TRAPPC6A: variants seen among roughly 807,000 people sequenced by gnomAD.
The protein encoded by TRAPPC6A is TRAPP complex subunit 6A.
TRAPPC6A carries 25 observed loss-of-function variants against 20.8 expected under a neutral mutation model. The observed-to-expected ratio is 1.20, with a 90% CI of 0.88 to 1.68. The LOEUF (loss-of-function observed/expected upper bound fraction) is 1.68, where lower values mean the gene tolerates loss of function less well. Among genes scored for constraint, TRAPPC6A ranks in the 40% most tolerant of loss-of-function variants. TRAPPC6A has a pLI of 0.00. For synonymous variants in TRAPPC6A, 96 were observed against 93.3 expected, an observed-to-expected ratio of 1.03 and a Z score of -0.16; for missense variants, 215 against 211.6, an observed-to-expected ratio of 1.02 and a Z score of -0.10.
chr19:45,177,623 T>C (rs1329478484), intron 1 of TRAPPC6A, among the ~76,000 whole-genome samples: 1 of 152,216 alleles, frequency 6.6e-6, no homozygotes, highest in East Asian at 1.9e-4. Flanking sequence ...AGCCGGCATA[T>C]TTCATTTTAT....
intron 1 of TRAPPC6A, among the ~76,000 whole-genome samples, chr19:45,171,911 C>A (rs1190355594): frequency 6.6e-6 from 1 of 152,234 alleles, no homozygotes; most frequent in East Asian, 1.9e-4. Context: ...TGGTCTCAGA[C>A]AATGGGTGAC....
At chr19:45,164,783 G>A (rs1468478679) in intron 3 of TRAPPC6A, 70 bp downstream of exon 3, 1 of 1,443,588 alleles carries the variant, frequency 6.9e-7, no homozygotes, top group East Asian at 2.3e-5. Context: ...TGGCGCCGGG[G>A]GATTCCCCTC....
chr19:45,175,481 G>C (rs1242476190), intron 1 of TRAPPC6A, among the ~76,000 whole-genome samples: 1 of 151,726 alleles, frequency 6.6e-6, no homozygotes, highest in African/African-American at 2.4e-5. Flanking sequence ...AGCCTACCAA[G>C]AAAAAAGTGC....
intron 1 of TRAPPC6A, among the ~76,000 whole-genome samples, chr19:45,169,298 T>G (rs1366858565): frequency 6.6e-6 from 1 of 151,770 alleles, no homozygotes; most frequent in Non-Finnish European, 1.5e-5. Context: ...AAAAAGAGGG[T>G]CATTTTGTTT....
In TRAPPC6A at chr19:45,163,297, G is replaced by A. The variant is rs1028766112; in HGVS notation, c.449-74C>T. Reference sequence around the variant, plus strand: ...GAGGGCACCTGGACGGCTCTTAGGCGCTCACCCCCGTCCTGCACTGACACC... The same window carrying A: ...GAGGGCACCTGGACGGCTCTTAGGCACTCACCCCCGTCCTGCACTGACACC... On this transcript the variant is annotated intron_variant, in intron 5 of 5. Transcript: ENST00000585934. This position sits in a 1 kb window ranked among gnomAD's most constrained non-coding sequence, Gnocchi z 5.3. 2.8e-5 allele frequency: 43 copies of A among 1,528,190 alleles called. No homozygotes were observed. The highest frequency in any genetic ancestry group is 3.5e-5 in the Non-Finnish European group (39 of 1,108,636). The allele number at this position is 1,528,190 out of a possible 1,614,324, so 94.7% of individuals were successfully genotyped here.
At position 45,176,800 on chromosome 19, in the gene TRAPPC6A, G is replaced by A. The variant is rs185692750; in HGVS notation, c.84+1335C>T. Among the ~76,000 whole-genome samples the A allele has an allele frequency of 3.1e-3, 461 of 149,348 alleles. 3 individuals carry two copies. Among genetic ancestry groups the A allele is most frequent in the African/African-American group, 0.011 (433 of 40,486 alleles). On this transcript the variant is annotated intron_variant, in intron 1 of 5. Coordinates refer to ENST00000585934, the MANE Select transcript of TRAPPC6A (RefSeq NM_001270891.2). ...TGTAATCCCAGCACTTTGGGAGGCC[G>A]AGGCGGGTGGATCACAAGGTCAGGA...
chr19:45,168,609 GA>G (rs1232008663), intron 1 of TRAPPC6A, among the ~76,000 whole-genome samples: 7 of 152,168 alleles, frequency 4.6e-5, no homozygotes, highest in African/African-American at 1.2e-4. Flanking sequence ...ATGGTCCCGG[GA>G]ATCATTATTT....
intron 1 of TRAPPC6A, among the ~76,000 whole-genome samples, chr19:45,176,908 C>T (rs992334058): frequency 2.0e-5 from 3 of 152,048 alleles, no homozygotes; most frequent in South Asian, 4.1e-4. Context: ...GTGGCTCACG[C>T]CTGTAATCCT....
At chr19:45,175,426 CAAA>C (rs1217215768) in intron 1 of TRAPPC6A, among the ~76,000 whole-genome samples, 5 of 81,484 alleles carry the variant, frequency 6.1e-5, no homozygotes, top group Admixed American at 1.4e-4. Flanking sequence ...GACTCCGTCT[CAAA>C]AAAAAAAAAA....
Position 45,163,026 on chromosome 19 carries a change from T to A in TRAPPC6A, c.*166A>T. 2.8e-6 allele frequency: 2 copies of A among 713,544 alleles called. No individual in the cohort carries two copies. The highest frequency in any genetic ancestry group is 2.8e-5 in the Admixed American group (1 of 35,540). 44.2% of individuals were successfully genotyped at this position (713,544 alleles called of 1,614,324 possible). ...AGTCCTGACCGCAGCTGGGACCCCT[T>A]TGCCTCCTCTGACACCCCCACCTCA... On this transcript the variant is annotated 3_prime_UTR_variant, in exon 6 of 6. Transcript: ENST00000585934. This position sits in a 1 kb window ranked among gnomAD's most constrained non-coding sequence, Gnocchi z 5.3.
intron 1 of TRAPPC6A, among the ~76,000 whole-genome samples, chr19:45,174,964 C>CA (rs137961011): frequency 0.16 from 20,954 of 127,280 alleles, 1,748 homozygotes; most frequent in African/African-American, 0.24. Context: ...ACTAAAAATA[C>CA]AAAAAAAAAA....
intron 1 of TRAPPC6A, among the ~76,000 whole-genome samples, chr19:45,171,925 G>A (rs1205112234): frequency 1.3e-5 from 2 of 152,308 alleles, no homozygotes; most frequent in South Asian, 2.1e-4. Flanking sequence ...GGGTGACAGC[G>A]CCTTAGCTCT....
chr19:45,164,872 C>A lies in TRAPPC6A; in HGVS notation c.251G>T (p.Ser84Ile). ...WVAVFQKQMD[S>I]LRTNHQGTYV... ...TCCCACCTGGTGATTGGTGCGCAGG[C>A]TGTCCATCTGCTTCTGGAACACCGC... is the stretch of plus-strand genomic sequence containing the variant. The change falls in exon 3 of 6, where the codon AGC (serine) becomes ATC (isoleucine). Residue 84 changes from serine to isoleucine, a missense_variant. Physicochemically the swap from Ser to Ile is moderately radical, Grantham distance 142. Transcript: ENST00000585934. 3 of 1,614,074 alleles carry A rather than the reference C, an allele frequency of 1.9e-6. No homozygotes were observed. Among genetic ancestry groups the A allele is most frequent in the Non-Finnish European group, 2.5e-6 (3 of 1,179,956 alleles).
At chr19:45,164,079 A>T in intron 4 of TRAPPC6A, 70 bp from the exon 5 acceptor site, 1 of 1,549,636 alleles carries the variant, frequency 6.5e-7, no homozygotes, top group East Asian at 2.4e-5. Context: ...GGCACCCCTT[A>T]GGCCTGGGGA....
In TRAPPC6A at chr19:45,164,188, C is replaced by T. The variant is rs918777873; in HGVS notation, c.330G>A (p.Leu110=). 1.5e-5 allele frequency: 24 copies of T among 1,609,848 alleles called. No individual in the cohort carries two copies. The Admixed American group carries it at 1.7e-4, about 11-fold the overall frequency. Reference sequence around the variant, plus strand: ...CCTTGGGTGCTTCCTCCAGATACTGCAGGCCAGAGGCCATCGGGAGGAGGA... The same window carrying T: ...CCTTGGGTGCTTCCTCCAGATACTGTAGGCCAGAGGCCATCGGGAGGAGGA... The part of the protein sequence containing the change: ...FPLLLPMASG[L]QYLEEAPKFL... The change falls in exon 4 of 6, where the codon CTG becomes CTA. Residue 110 remains leucine, a synonymous_variant. Coordinates refer to ENST00000585934, the MANE Select transcript of TRAPPC6A (RefSeq NM_001270891.2).
intron 1 of TRAPPC6A, among the ~76,000 whole-genome samples, chr19:45,175,797 G>A (rs1292943186): frequency 2.6e-5 from 4 of 152,082 alleles, no homozygotes; most frequent in East Asian, 1.9e-4. Flanking sequence ...AGGGTTTCTC[G>A]TTTGAAAGCC....
At chr19:45,171,231 G>A (rs1272549787) in intron 1 of TRAPPC6A, among the ~76,000 whole-genome samples, 1 of 152,192 alleles carries the variant, frequency 6.6e-6, no homozygotes, top group Non-Finnish European at 1.5e-5. Context: ...GAACCCGGGA[G>A]GCAGAGGTTT....
chr19:45,164,934 C>T lies in TRAPPC6A; in HGVS notation c.189G>A (p.Leu63=), dbSNP rs35565182. 1,073 of 1,614,160 alleles carry T rather than the reference C, an allele frequency of 6.6e-4. 9 individuals carry two copies. In the African/African-American group the frequency reaches 0.013, roughly 19 times the overall value. ...PRETLAFREE[L]DVLKFLCKDL... Reference sequence around the variant, plus strand: ...CTTTGCACAAGAACTTGAGGACATCCAGCTCCTCCCTGAAGGCCAGCGTCT... The same window carrying T: ...CTTTGCACAAGAACTTGAGGACATCTAGCTCCTCCCTGAAGGCCAGCGTCT... Residue 63 remains leucine (L), a synonymous_variant, in exon 3 of 6, where the codon CTG becomes CTA. Transcript: ENST00000585934.
rs1326357836 is a variant in TRAPPC6A at position 45,163,369 on chromosome 19, C to T, written c.449-146G>A. ...TTCCTCCCGCCCACGGGGCCGCATC[C>T]CTGAGCTGTGTGAGTAACCAGGAGC... On this transcript the variant is annotated intron_variant, in intron 5 of 5. Transcript: ENST00000585934. This position sits in a 1 kb window ranked among gnomAD's most constrained non-coding sequence, Gnocchi z 5.3. 8.3e-6 allele frequency: 7 copies of T among 845,598 alleles called. No homozygotes were observed. Among genetic ancestry groups the T allele is most frequent in the Non-Finnish European group, 1.3e-5 (7 of 536,338 alleles). The allele number at this position is 845,598 out of a possible 1,614,324, so 52.4% of individuals were successfully genotyped here. A position where few individuals can be genotyped will look rare whatever the true frequency, so the allele number is the denominator to read the frequency against.
Sources: allele counts gnomAD v4.1 joint callset (sites outside exome capture counted in the v4.1 genomes callset), GRCh38; gene constraint gnomAD v4.1.1; non-coding constraint Gnocchi (gnomAD v3.1); transcripts MANE v1.5; gene names NCBI Gene and HGNC (gene_info 2026-07-23, HGNC 2026-07-21).